The following ATP13A3 variants were observed in gnomAD, a reference collection of about 807,000 sequenced individuals.
The protein encoded by ATP13A3 is polyamine-transporting ATPase 13A3.
A neutral mutation model predicts 158.1 loss-of-function variants in ATP13A3; 59 were observed. The observed-to-expected ratio is 0.37, with a 90% CI of 0.30 to 0.46. The LOEUF is 0.46. ATP13A3 is among the 20% of genes least tolerant of loss of function. The probability of loss-of-function intolerance (pLI) is 1.00; values close to 1 mark genes in which losing one functional copy is unlikely to be tolerated. For missense variants in ATP13A3, 1,166 were observed against 1,525.2 expected (o/e 0.76, Z 3.92); for synonymous variants, 491 against 504.3 (o/e 0.97, Z 0.35).
rs184890113 is a variant in ATP13A3 at position 194,402,823 on chromosome 3, T to A, written c.*3096A>T. ...GAGCAGCAATACAATTTTAAAAATA[T>A]AAAGATGCAGTATCATTTCTGATAT... On this transcript the variant is annotated 3_prime_UTR_variant, in exon 34 of 34. Transcript: ENST00000645319. The A allele has an allele frequency of 6.6e-6, 1 of 152,336 alleles. No homozygotes were observed. Among genetic ancestry groups the A allele is most frequent in the South Asian group, 2.1e-4 (1 of 4,828 alleles). 9.4% of individuals were successfully genotyped at this position (152,336 alleles called of 1,614,324 possible).
chr3:194,454,624 CAA>C (rs386669905), intron 8 of ATP13A3, among the ~76,000 whole-genome samples: 2 of 151,492 alleles, frequency 1.3e-5, no homozygotes, highest in Non-Finnish European at 2.9e-5. Flanking sequence ...GTCAGGAGAT[CAA>C]AACATCCTGG....
At chr3:194,413,425 G>A (rs531204091) in intron 32 of ATP13A3, among the ~76,000 whole-genome samples, 1 of 152,210 alleles carries the variant, frequency 6.6e-6, no homozygotes, top group African/African-American at 2.4e-5. Context: ...AAACACAGGT[G>A]GCACATGCCA....
At chr3:194,406,596 TA>T (rs1186339084) in intron 33 of ATP13A3, among the ~76,000 whole-genome samples, 1 of 152,222 alleles carries the variant, frequency 6.6e-6, no homozygotes, top group Non-Finnish European at 1.5e-5. Context: ...TTAAGAACTT[TA>T]AGCCATTCAG....
At chr3:194,433,713 A>G in intron 21 of ATP13A3, 59 bp downstream of exon 21, 2 of 1,591,462 alleles carry the variant, frequency 1.3e-6, no homozygotes, top group East Asian at 4.5e-5. Flanking sequence ...CCCTCAATAT[A>G]ATATAACTTC....
Position 194,437,395 on chromosome 3 carries a change from C to T in ATP13A3, c.1915G>A (p.Ala639Thr), listed in dbSNP as rs753997515. ...SSALQRMSVV[A>T]RVLGDRKMDA... ...ATTTTCCTATCCCCCAGCACCCTGG[C>T]AACCACACTCATACGTTGCAAAGCA... The change falls in exon 19 of 34, where the codon GCC becomes ACC. Residue 639 changes from alanine (A) to threonine (T), a missense_variant. Physicochemically the swap from Ala to Thr is moderately conservative, Grantham distance 58. This residue lies in a region of ATP13A3 where 997 missense variants were observed against 1,341.2 expected (regional missense o/e 0.74). Coordinates refer to ENST00000645319, the MANE Select transcript of ATP13A3 (RefSeq NM_001367549.1). The T allele has an allele frequency of 1.9e-6, 3 of 1,614,212 alleles. No homozygotes were observed. The highest frequency in any genetic ancestry group is 1.3e-5 in the African/African-American group (1 of 75,048).
At chr3:194,421,126 A>AG (rs376603688) in intron 30 of ATP13A3, among the ~76,000 whole-genome samples, 1 of 60,760 alleles carries the variant, frequency 1.6e-5, no homozygotes, top group Non-Finnish European at 2.5e-5. Context: ...ATATATATAT[A>AG]TATATATATA....
rs56695107 is a variant in ATP13A3, at chr3:194,462,062, A to C, written c.51+78T>G. 53,971 of 1,441,088 alleles carry C rather than the reference A, an allele frequency of 0.037. 4,695 individuals carry two copies. Among genetic ancestry groups the C allele is most frequent in the African/African-American group, 0.34 (23,915 of 71,154 alleles). The allele number at this position is 1,441,088 out of a possible 1,614,324, so 89.3% of individuals were successfully genotyped here. ...TGCTGCCGCCACTGTTGTTAATTGC[A>C]TTTTTCTAGTCCCTAAAATAATAAA... On this transcript the variant is annotated intron_variant, in intron 3 of 33. Coordinates refer to ENST00000645319, the MANE Select transcript of ATP13A3 (RefSeq NM_001367549.1).
At position 194,441,390 on chromosome 3, in the gene ATP13A3, G is replaced by C; in HGVS notation, c.1631C>G (p.Thr544Ser). ...VKSQFVACMATCHSLTKIEGV... is the reference protein window; with the variant it reads ...VKSQFVACMASCHSLTKIEGV... ...TTCAATTTTTGTAAGTGAATGACAA[G>C]TAGCCATACAAGCAACAAACTGGGA... The change falls in exon 16 of 34, where the codon ACT becomes AGT. Residue 544 changes from threonine to serine, a missense_variant. Physicochemically the swap from Thr to Ser is moderately conservative, Grantham distance 58. Transcript: ENST00000645319. 13 of 1,613,378 alleles carry C rather than the reference G, an allele frequency of 8.1e-6. No homozygotes were observed. Among genetic ancestry groups the C allele is most frequent in the Non-Finnish European group, 1.0e-5 (12 of 1,179,388 alleles).
At position 194,433,776 on chromosome 3, in the gene ATP13A3, G is replaced by C. The variant is rs1173461651; in HGVS notation, c.2241C>G (p.Val747=). The C allele has an allele frequency of 6.2e-7, 1 of 1,614,016 alleles. No homozygotes were observed. The highest frequency in any genetic ancestry group is 1.7e-5 in the Admixed American group (1 of 60,008). The change falls in exon 21 of 34, where the codon GTC becomes GTG. Residue 747 remains valine (V), a synonymous_variant. Transcript: ENST00000645319. ...LHKANIRTVM[V]TGDSMLTAVS... is the part of the protein sequence containing the mutation. ...TGTTCTTTTATAAAGTCTAACCTGT[G>C]ACCATGACGGTGCGAATGTTGGCTT...
intron 27 of ATP13A3, among the ~76,000 whole-genome samples, chr3:194,429,424 T>G (rs1207522351): frequency 6.6e-6 from 1 of 152,232 alleles, no homozygotes; most frequent in Non-Finnish European, 1.5e-5. Flanking sequence ...AGGGTACCTG[T>G]GGCCATCGCT....
chr3:194,460,178 T>C (rs897920005), intron 4 of ATP13A3, among the ~76,000 whole-genome samples: 2 of 152,242 alleles, frequency 1.3e-5, no homozygotes, highest in African/African-American at 4.8e-5. Flanking sequence ...TTTTATGACA[T>C]ATTTTACCGA....
chr3:194,407,084 G>A (rs1247801180), intron 33 of ATP13A3, among the ~76,000 whole-genome samples: 3 of 152,132 alleles, frequency 2.0e-5, no homozygotes, highest in Admixed American at 6.5e-5. Flanking sequence ...ACTCAATAGA[G>A]GGCTGAAAAG....
At chr3:194,453,847 C>G in intron 9 of ATP13A3, 69 bp from the exon 10 acceptor site, 1 of 1,196,266 alleles carries the variant, frequency 8.4e-7, no homozygotes, top group Non-Finnish European at 1.2e-6. Flanking sequence ...AGCCAGAGTG[C>G]TAAAAAAATA....
chr3:194,423,447 AACAG>A (rs1261558565), intron 30 of ATP13A3, among the ~76,000 whole-genome samples: 1 of 151,922 alleles, frequency 6.6e-6, no homozygotes, highest in African/African-American at 2.4e-5. Context: ...GGTGAAAACT[AACAG>A]ACAGGTCCTA....
chr3:194,412,449 A>G lies in ATP13A3; in HGVS notation c.3484-161T>C, dbSNP rs572178807. 4 of 586,426 alleles carry G rather than the reference A, an allele frequency of 6.8e-6. No homozygotes were observed. The Admixed American group carries it at 8.6e-5, about 13-fold the overall frequency. The allele number at this position is 586,426 out of a possible 1,614,324, so 36.3% of individuals were successfully genotyped here. A position where few individuals can be genotyped will look rare whatever the true frequency, so the allele number is the denominator to read the frequency against. ...TAATACTGCCAAATGATCAAGAATG[A>G]TAGGACTTTTGTAACAAATACAAAT... On this transcript the variant is annotated intron_variant, in intron 32 of 33. Coordinates refer to ENST00000645319, the MANE Select transcript of ATP13A3 (RefSeq NM_001367549.1).
intron 20 of ATP13A3, among the ~76,000 whole-genome samples, 178 bp downstream of exon 20, chr3:194,436,917 T>C: frequency 6.6e-6 from 1 of 152,068 alleles, no homozygotes; most frequent in Non-Finnish European, 1.5e-5. Context: ...AAACCCAGAA[T>C]GAAAGGAAAT....
chr3:194,436,118 G>T (rs1717619066), intron 20 of ATP13A3, among the ~76,000 whole-genome samples: 2 of 152,054 alleles, frequency 1.3e-5, no homozygotes, highest in South Asian at 4.2e-4. Flanking sequence ...TTGGGTAGAG[G>T]TTTTTCATTT....
intron 13 of ATP13A3, among the ~76,000 whole-genome samples, chr3:194,447,488 C>A (rs770731072): frequency 6.6e-6 from 1 of 152,060 alleles, no homozygotes; most frequent in Admixed American, 6.5e-5. Flanking sequence ...AATTAACTAA[C>A]CACAAATCAT....
intron 33 of ATP13A3, among the ~76,000 whole-genome samples, chr3:194,410,317 A>C (rs1237212633): frequency 1.3e-3 from 190 of 145,584 alleles, no homozygotes; most frequent in Non-Finnish European, 1.6e-3. Context: ...AAAAAAAAAA[A>C]AAAAAAAAAA....
Sources: allele counts gnomAD v4.1 joint callset (sites outside exome capture counted in the v4.1 genomes callset), GRCh38; gene constraint gnomAD v4.1.1; regional missense constraint gnomAD v4.1.1; transcripts MANE v1.5; gene names NCBI Gene and HGNC (gene_info 2026-07-23, HGNC 2026-07-21).